Variants in VWA5B1 observed in about 807,000 individuals in gnomAD.
VWA5B1 encodes von Willebrand factor A domain-containing protein 5B1.
VWA5B1 carries 115 observed loss-of-function variants against 118.2 expected under a neutral mutation model. The observed-to-expected ratio is 0.97, with a 90% CI of 0.84 to 1.14. VWA5B1 has a LOEUF of 1.14. Among genes scored for constraint, VWA5B1 ranks in the 50% most tolerant of loss-of-function variants. The pLI, the probability that VWA5B1 is intolerant of heterozygous loss-of-function variation, is 0.00. For missense variants in VWA5B1, 1,596 were observed against 1,603.8 expected, an observed-to-expected ratio of 1.00 and a Z score of 0.08; for synonymous variants, 682 against 658.4, an observed-to-expected ratio of 1.04 and a Z score of -0.55.
chr1:20,323,203 C>T, intron 7 of VWA5B1, 153 bp from the exon 8 acceptor site: 1 of 652,724 alleles, frequency 1.5e-6, no homozygotes. Context: ...GAAGGTCTAG[C>T]AAACAGAAGA....
At chr1:20,337,609 C>T (rs955862991) in intron 13 of VWA5B1, 37 bp from the exon 14 acceptor site, 2 of 1,525,652 alleles carry the variant, frequency 1.3e-6, no homozygotes, top group Non-Finnish European at 1.8e-6. Flanking sequence ...TCCCTGCTGT[C>T]CCACTCTGAT....
chr1:20,340,196 C>T (rs555863299), intron 14 of VWA5B1, among the ~76,000 whole-genome samples: 5 of 143,582 alleles, frequency 3.5e-5, no homozygotes, highest in Non-Finnish European at 6.3e-5. Flanking sequence ...CTTATATGTG[C>T]GCGCACACAC....
chr1:20,322,787 C>A (rs76050115), intron 7 of VWA5B1, among the ~76,000 whole-genome samples: 1,712 of 152,240 alleles, frequency 0.011, 76 homozygotes, highest in South Asian at 0.08. Context: ...GTCTTCTTGT[C>A]CTCATTTAAT....
At chr1:20,332,490 A>AAAATAAAT in intron 11 of VWA5B1, among the ~76,000 whole-genome samples, 1 of 79,416 alleles carries the variant, frequency 1.3e-5, no homozygotes, top group African/African-American at 5.2e-5. Flanking sequence ...AAAATAAAAT[A>AAAATAAAT]AAATAAAATA....
chr1:20,321,731 C>T (rs929505511), intron 7 of VWA5B1, among the ~76,000 whole-genome samples: 3 of 151,580 alleles, frequency 2.0e-5, no homozygotes, highest in Admixed American at 2.0e-4. Context: ...GACCAAGAGC[C>T]CAACGTGGGA....
Position 20,352,038 on chromosome 1 carries a change from T to G in VWA5B1, c.3024-17T>G. 1 of 1,546,054 alleles carries G rather than the reference T, an allele frequency of 6.5e-7. No homozygotes were observed. The highest frequency in any genetic ancestry group is 1.2e-5 in the South Asian group (1 of 83,266). The stretch of plus-strand genomic sequence containing the variant: ...GGAGGTTGGGATGCCCAGGGCCACC[T>G]GACTTCACCTGCACAGGCTAAATCT... On this transcript the variant is annotated splice_polypyrimidine_tract_variant and intron_variant, in intron 20 of 21. Transcript: ENST00000289815.
At chr1:20,350,699 G>A (rs2090110654) in intron 19 of VWA5B1, among the ~76,000 whole-genome samples, 158 bp from the exon 20 acceptor site, 1 of 152,170 alleles carries the variant, frequency 6.6e-6, no homozygotes, top group South Asian at 2.1e-4. Context: ...TACACCAACT[G>A]GAGCGGAAGG....
intron 18 of VWA5B1, 51 bp downstream of exon 18, chr1:20,348,409 G>T (rs1273875718): frequency 6.5e-7 from 1 of 1,532,530 alleles, no homozygotes; most frequent in Non-Finnish European, 8.8e-7. Flanking sequence ...TCGGAAGCCT[G>T]GGCCCCTGAG....
At chr1:20,298,066 A>G (rs2088440581) in intron 1 of VWA5B1, among the ~76,000 whole-genome samples, 1 of 145,494 alleles carries the variant, frequency 6.9e-6, no homozygotes, top group Admixed American at 7.0e-5. Context: ...GCTGGAGCAC[A>G]GTGGTATGAT....
chr1:20,336,614 G>C (rs2089725511), intron 13 of VWA5B1, 128 bp downstream of exon 13: 1 of 1,076,750 alleles, frequency 9.3e-7, no homozygotes, highest in African/African-American at 1.6e-5. Context: ...CCACTTTACA[G>C]ATGAGGAAAT....
intron 1 of VWA5B1, among the ~76,000 whole-genome samples, chr1:20,296,691 T>C (rs1455995075): frequency 1.3e-5 from 2 of 152,248 alleles, no homozygotes; most frequent in African/African-American, 4.8e-5. Context: ...TATAATCTTA[T>C]TTTGGTCCAA....
chr1:20,318,288 G>A, intron 5 of VWA5B1: 1 of 430,496 alleles, frequency 2.3e-6, no homozygotes, highest in South Asian at 2.3e-5. Flanking sequence ...ACGGAGCGCT[G>A]AGAGCCATCT....
At position 20,336,300 on chromosome 1, in the gene VWA5B1, C is replaced by G. The variant is rs1275756815; in HGVS notation, c.1759-3C>G. 5 of 1,421,874 alleles carry G rather than the reference C, an allele frequency of 3.5e-6. No individual in the cohort carries two copies. The highest frequency in any genetic ancestry group is 4.6e-6 in the Non-Finnish European group (5 of 1,075,844). The allele number at this position is 1,421,874 out of a possible 1,614,324, so 88.1% of individuals were successfully genotyped here. A position where few individuals can be genotyped will look rare whatever the true frequency, so the allele number is the denominator to read the frequency against. On this transcript the variant is annotated splice_region_variant and splice_polypyrimidine_tract_variant and intron_variant, in intron 12 of 21. Coordinates refer to ENST00000289815, the MANE Select transcript of VWA5B1 (RefSeq NM_001039500.3). ...TAGCCCTCTTTTCTGTTTCTCCCTACAGGACAAGAGGCGCCGGTACAGCAT... is the reference window on the plus strand; with the variant it reads ...TAGCCCTCTTTTCTGTTTCTCCCTAGAGGACAAGAGGCGCCGGTACAGCAT...
chr1:20,291,128 A>G (rs942739985), intron 1 of VWA5B1, 40 bp downstream of exon 1: 1 of 151,020 alleles, frequency 6.6e-6, no homozygotes. Context: ...GAGAGGCTGG[A>G]CAAGGGGGCT....
At chr1:20,313,486 GGCTACTAATGCCT>G (rs372940501) in intron 3 of VWA5B1, among the ~76,000 whole-genome samples, 12 of 152,294 alleles carry the variant, frequency 7.9e-5, no homozygotes, top group African/African-American at 2.9e-4. Flanking sequence ...CTCAAAGCAT[GGCTACTAATGCCT>G]GCTACTGAGG....
intron 14 of VWA5B1, chr1:20,338,330 C>A (rs1008280306): frequency 1.2e-5 from 4 of 320,270 alleles, no homozygotes; most frequent in Admixed American, 4.2e-5. Flanking sequence ...TTACCCAGGG[C>A]AGAGAGGATT....
chr1:20,323,093 A>G (rs990986500), intron 7 of VWA5B1: 35 of 319,658 alleles, frequency 1.1e-4, no homozygotes, highest in Non-Finnish European at 1.9e-4. Context: ...GACCCAGAGG[A>G]GGGACTCACC....
chr1:20,291,165 A>ACTGTGTGTGTGT (rs1553192684), intron 1 of VWA5B1, 77 bp downstream of exon 1: 379 of 134,954 alleles, frequency 2.8e-3, no homozygotes, highest in Non-Finnish European at 4.1e-3. Context: ...GGCATGCATG[A>ACTGTGTGTGTGT]GTGTGTGTGT....
Position 20,354,062 on chromosome 1 carries a change from G to A in VWA5B1, c.3447G>A (p.Leu1149=). Residue 1149 remains leucine (L), a synonymous_variant, in exon 22 of 22, where the codon CTG becomes CTA. Coordinates refer to ENST00000289815, the MANE Select transcript of VWA5B1 (RefSeq NM_001039500.3). The part of the protein sequence containing the change: ...LWATVVGLAW[L]EHSSASYFTE... ...CCACGGTGGTGGGGCTGGCATGGCTGGAGCACAGTTCGGCCTCCTACTTCA... is the reference window on the plus strand; with the variant it reads ...CCACGGTGGTGGGGCTGGCATGGCTAGAGCACAGTTCGGCCTCCTACTTCA... The A allele has an allele frequency of 1.3e-6, 2 of 1,551,572 alleles. No homozygotes were observed. The highest frequency in any genetic ancestry group is 1.7e-6 in the Non-Finnish European group (2 of 1,146,978).
Sources: gnomAD v4.1 joint callset for allele counts (sites outside exome capture counted in the v4.1 genomes callset) on GRCh38, gnomAD v4.1.1 for gene constraint, MANE v1.5 for transcripts, NCBI Gene and HGNC (gene_info 2026-07-23, HGNC 2026-07-21) for gene names.